The following MAGI1 variants were observed in gnomAD, a reference collection of about 807,000 sequenced individuals.
The protein encoded by MAGI1 is membrane associated guanylate kinase, WW and PDZ domain containing 1, also known as membrane-associated guanylate kinase, WW and PDZ domain-containing protein 1.
MAGI1 carries 58 observed loss-of-function variants against 139.9 expected under a neutral mutation model. The observed-to-expected ratio is 0.41, with a 90% CI of 0.34 to 0.52. The LOEUF is 0.52. MAGI1 is among the 20% of genes least tolerant of loss of function. MAGI1 has a pLI of 0.12. For missense variants in MAGI1, 1,874 were observed against 1,901.6 expected (o/e 0.99, Z 0.27); for synonymous variants, 812 against 737.9 (o/e 1.10, Z -1.63).
chr3:65,656,748 C>T (rs1220590079), intron 1 of MAGI1, among the ~76,000 whole-genome samples: 1 of 151,942 alleles, frequency 6.6e-6, no homozygotes, highest in Non-Finnish European at 1.5e-5. Flanking sequence ...CCTGTAATCC[C>T]AGCACTTTGA....
At chr3:65,886,209 A>G (rs769621070) in intron 1 of MAGI1, among the ~76,000 whole-genome samples, 1 of 152,162 alleles carries the variant, frequency 6.6e-6, no homozygotes, top group Non-Finnish European at 1.5e-5. Flanking sequence ...TTTCACACCA[A>G]TTCTGCACAG....
At chr3:65,640,782 A>C (rs920486490) in intron 1 of MAGI1, among the ~76,000 whole-genome samples, 2 of 152,222 alleles carry the variant, frequency 1.3e-5, no homozygotes, top group Non-Finnish European at 2.9e-5. Flanking sequence ...ACTGCAAGGA[A>C]GATACCAAAT....
chr3:65,684,809 C>G (rs1202744021), intron 1 of MAGI1, among the ~76,000 whole-genome samples: 3 of 151,568 alleles, frequency 2.0e-5, no homozygotes, highest in Non-Finnish European at 4.4e-5. Context: ...TCAAGCAATC[C>G]ACTAACCTCA....
In MAGI1 at chr3:66,038,404, TC is replaced by T; in HGVS notation, c.-97del. The T allele has an allele frequency of 6.8e-7, 1 of 1,462,188 alleles. No homozygotes were observed. The highest frequency in any genetic ancestry group is 9.0e-7 in the Non-Finnish European group (1 of 1,105,886). The allele number at this position is 1,462,188 out of a possible 1,614,324, so 90.6% of individuals were successfully genotyped here. The stretch of plus-strand genomic sequence containing the variant: ...CCTCCGCTTGTTCATGGGAGAAACA[TC>T]TCTCCCCAAATCACAAAACAGGAGA... On this transcript the variant is annotated 5_prime_UTR_variant, in exon 1 of 23. Coordinates refer to ENST00000402939, the MANE Select transcript of MAGI1 (RefSeq NM_001033057.2).
chr3:65,624,183 T>G (rs2083839211), intron 1 of MAGI1, among the ~76,000 whole-genome samples: 1 of 152,174 alleles, frequency 6.6e-6, no homozygotes, highest in Admixed American at 6.5e-5. Flanking sequence ...GCAGGCATAA[T>G]GGTTCGTCCT....
chr3:65,701,330 G>A (rs1409448088), intron 1 of MAGI1, among the ~76,000 whole-genome samples: 1 of 152,082 alleles, frequency 6.6e-6, no homozygotes, highest in Non-Finnish European at 1.5e-5. Flanking sequence ...TTGCCTTACT[G>A]CAACCTCCAC....
At chr3:65,424,330 CAA>C (rs138738221) in intron 12 of MAGI1, among the ~76,000 whole-genome samples, 4,040 of 152,188 alleles carry the variant, frequency 0.027, 177 homozygotes, top group African/African-American at 0.092. Flanking sequence ...ACTGGTGGAT[CAA>C]GTTTAATTTA....
intron 1 of MAGI1, among the ~76,000 whole-genome samples, chr3:65,812,445 T>TTCTCTCTC (rs530333757): frequency 3.1e-4 from 41 of 130,624 alleles, no homozygotes; most frequent in South Asian, 1.5e-3. Flanking sequence ...CTCTCTCTCT[T>TTCTCTCTC]TCTCTCTCTC....
chr3:65,543,596 T>A (rs932094534), intron 2 of MAGI1, among the ~76,000 whole-genome samples: 1 of 152,172 alleles, frequency 6.6e-6, no homozygotes, highest in African/African-American at 2.4e-5. Context: ...TTCATGTCCT[T>A]TGCAGACACA....
intron 2 of MAGI1, among the ~76,000 whole-genome samples, chr3:65,599,538 G>A (rs370728131): frequency 2.8e-4 from 43 of 152,260 alleles, no homozygotes; most frequent in East Asian, 2.1e-3. Context: ...CCAGCTGTGT[G>A]ACTGTAGATA....
At chr3:65,359,331 T>C in intron 22 of MAGI1, 1 of 1,415,612 alleles carries the variant, frequency 7.1e-7, no homozygotes. Context: ...AACACTCAAA[T>C]AAGGCTGCAG....
intron 1 of MAGI1, among the ~76,000 whole-genome samples, chr3:65,632,367 T>C (rs1170710834): frequency 6.6e-6 from 1 of 152,192 alleles, no homozygotes; most frequent in East Asian, 1.9e-4. Context: ...CACATGATGG[T>C]AAAACTGTCC....
At chr3:65,493,705 T>C (rs1009517611) in intron 2 of MAGI1, 74 bp from the exon 3 acceptor site, 14 of 1,570,094 alleles carry the variant, frequency 8.9e-6, no homozygotes, top group Admixed American at 1.7e-5. Flanking sequence ...CAGGTGTAAT[T>C]AAAATAACCT....
chr3:65,942,977 T>G (rs759377766), intron 1 of MAGI1, among the ~76,000 whole-genome samples: 1 of 151,948 alleles, frequency 6.6e-6, no homozygotes, highest in Admixed American at 6.6e-5. Context: ...GCCGAGATCA[T>G]GCCACTGCAC....
intron 2 of MAGI1, among the ~76,000 whole-genome samples, chr3:65,606,831 TA>T (rs930663999): frequency 2.6e-5 from 4 of 152,180 alleles, no homozygotes; most frequent in Admixed American, 2.6e-4. Context: ...CTAATTTTTG[TA>T]TTTTTTGTAG....
chr3:65,539,371 C>T (rs1450890048), intron 2 of MAGI1, among the ~76,000 whole-genome samples: 1 of 152,124 alleles, frequency 6.6e-6, no homozygotes, highest in Non-Finnish European at 1.5e-5. Flanking sequence ...TACTGTCAAA[C>T]AGACACATAC....
At chr3:65,370,853 C>T (rs1261500745) in intron 18 of MAGI1, among the ~76,000 whole-genome samples, 2 of 152,206 alleles carry the variant, frequency 1.3e-5, no homozygotes, top group African/African-American at 2.4e-5. Context: ...GACGACGTCT[C>T]GCTATGTTGC....
chr3:66,035,014 A>T (rs1355382489), intron 1 of MAGI1, among the ~76,000 whole-genome samples: 2 of 152,230 alleles, frequency 1.3e-5, no homozygotes, highest in African/African-American at 4.8e-5. Flanking sequence ...AAACTCATCA[A>T]ATTATATATC....
chr3:65,642,224 G>A (rs1160111674), intron 1 of MAGI1, among the ~76,000 whole-genome samples: 2 of 152,150 alleles, frequency 1.3e-5, no homozygotes, highest in African/African-American at 2.4e-5. Context: ...AGCTAACACT[G>A]AACCATGTGC....
Sources: gnomAD v4.1 joint callset for allele counts (sites outside exome capture counted in the v4.1 genomes callset) on GRCh38, gnomAD v4.1.1 for gene constraint, MANE v1.5 for transcripts, NCBI Gene and HGNC (gene_info 2026-07-23, HGNC 2026-07-21) for gene names.